ZNF44: variants seen among roughly 807,000 people sequenced by gnomAD.
The protein encoded by ZNF44 is gonadotropin inducible transcription repressor-2.
In ZNF44, 9 loss-of-function variants were observed where a neutral mutation model predicts 11.7. That is an observed-to-expected ratio of 0.77 (90% CI 0.46 to 1.35). The LOEUF is 1.35. Among genes scored for constraint, ZNF44 ranks in the 40% most tolerant of loss-of-function variants. The pLI, the probability that ZNF44 is intolerant of heterozygous loss-of-function variation, is 0.00. For synonymous variants in ZNF44, 224 were observed against 242.7 expected, an observed-to-expected ratio of 0.92 and a Z score of 0.72; for missense variants, 696 against 743.1, an observed-to-expected ratio of 0.94 and a Z score of 0.74.
At chr19:12,287,427 G>A (rs1967811392) in intron 1 of ZNF44, among the ~76,000 whole-genome samples, 1 of 151,974 alleles carries the variant, frequency 6.6e-6, no homozygotes, top group Non-Finnish European at 1.5e-5. Flanking sequence ...CATTAGCCAG[G>A]ATGGTCTTGA....
exon 8 of ZNF44, chr19:12,248,591 G>C: frequency 7.7e-7 from 1 of 1,294,602 alleles, no homozygotes; most frequent in Non-Finnish European, 1.0e-6. Context: ...GAGTTTTCTT[G>C]TTCAGACTGA....
intron 1 of ZNF44, among the ~76,000 whole-genome samples, chr19:12,288,774 G>GTATATATATATACATATA (rs1967870521): frequency 1.3e-5 from 1 of 76,816 alleles, no homozygotes; most frequent in African/African-American, 9.0e-5. Flanking sequence ...AAAAAAAAAT[G>GTATATATATATACATATA]TATATATATA....
downstream of ZNF44, among the ~76,000 whole-genome samples, chr19:12,268,183 A>ACACACACAC (rs1568438456): frequency 8.2e-5 from 5 of 60,622 alleles, no homozygotes; most frequent in Non-Finnish European, 1.7e-4. Context: ...CACACACACA[A>ACACACACAC]GCTCCTTCCC....
intron 3 of ZNF44, among the ~76,000 whole-genome samples, chr19:12,227,758 C>T (rs921395121): frequency 2.0e-5 from 3 of 152,186 alleles, no homozygotes; most frequent in Non-Finnish European, 4.4e-5. Context: ...TCTCCCATAA[C>T]TTTGAAACAC....
chr19:12,246,995 C>G (rs1599495023), downstream of ZNF44, among the ~76,000 whole-genome samples: 2 of 151,606 alleles, frequency 1.3e-5, no homozygotes, highest in African/African-American at 4.8e-5. Context: ...ATAATGTTGC[C>G]TGTCTCTACA....
intron 1 of ZNF44, among the ~76,000 whole-genome samples, chr19:12,282,075 A>C (rs954195072): frequency 6.6e-6 from 1 of 152,206 alleles, no homozygotes; most frequent in Non-Finnish European, 1.5e-5. Flanking sequence ...GACATTACAG[A>C]CATATCTCCA....
chr19:12,248,951 C>T (rs1916872728), intron 7 of ZNF44, among the ~76,000 whole-genome samples: 1 of 150,140 alleles, frequency 6.7e-6, no homozygotes, highest in Non-Finnish European at 1.5e-5. Context: ...TACACTCTGT[C>T]GCCCAGGCTG....
At chr19:12,231,843 T>C (rs888037131) in intron 2 of ZNF44, among the ~76,000 whole-genome samples, 1 of 152,114 alleles carries the variant, frequency 6.6e-6, no homozygotes, top group African/African-American at 2.4e-5. Context: ...TCTGAAGGGG[T>C]GGGTTGCCCC....
intron 1 of ZNF44, among the ~76,000 whole-genome samples, chr19:12,279,551 AAAC>A (rs1263862663): frequency 7.7e-6 from 1 of 129,162 alleles, no homozygotes; most frequent in African/African-American, 3.6e-5. Context: ...TCATTAATGG[AAAC>A]AATTTGAGAT....
downstream of ZNF44, among the ~76,000 whole-genome samples, chr19:12,271,491 C>T (rs893344797): frequency 1.3e-4 from 20 of 152,138 alleles, no homozygotes; most frequent in African/African-American, 4.8e-4. Context: ...TTCAAGTTAG[C>T]CTGAGGTCTC....
At chr19:12,256,383 G>A (rs1256980682) in intron 5 of ZNF44, among the ~76,000 whole-genome samples, 2 of 152,068 alleles carry the variant, frequency 1.3e-5, no homozygotes, top group Non-Finnish European at 1.5e-5. Context: ...CAGCTACTCA[G>A]GAGGCTGAGG....
intron 1 of ZNF44, among the ~76,000 whole-genome samples, chr19:12,286,209 A>T (rs369219609): frequency 1.3e-5 from 2 of 152,152 alleles, no homozygotes; most frequent in African/African-American, 2.4e-5. Flanking sequence ...TCAAATCAAT[A>T]TTCTCTAGTG....
intron 7 of ZNF44, among the ~76,000 whole-genome samples, chr19:12,249,280 C>T (rs377441993): frequency 1.3e-3 from 202 of 151,218 alleles, no homozygotes; most frequent in African/African-American, 4.4e-3. Flanking sequence ...CCGAGGCGGG[C>T]GGATCACAAG....
At chr19:12,251,920 A>G (rs2138205) in intron 5 of ZNF44, among the ~76,000 whole-genome samples, 58,711 of 151,746 alleles carry the variant, frequency 0.39, 14,362 homozygotes, top group African/African-American at 0.71. Flanking sequence ...GTGTGGTAGC[A>G]CATGCCTGTA....
At chr19:12,266,660 AT>A (rs916628390) in intron 5 of ZNF44, among the ~76,000 whole-genome samples, 1 of 152,106 alleles carries the variant, frequency 6.6e-6, no homozygotes. Flanking sequence ...TCCCTGATCC[AT>A]TTTCCCCTAT....
intron 5 of ZNF44, among the ~76,000 whole-genome samples, chr19:12,263,906 T>C (rs566527128): frequency 1.9e-4 from 25 of 131,406 alleles, no homozygotes; most frequent in Admixed American, 3.3e-4. Context: ...GCCTGGGCGA[T>C]AGAGCGAGAC....
At chr19:12,274,266 C>CTTTTTTTTTTTTTTTTTTTTTTTT (rs869093549) in intron 3 of ZNF44, among the ~76,000 whole-genome samples, 2 of 90,204 alleles carry the variant, frequency 2.2e-5, no homozygotes, top group Non-Finnish European at 4.2e-5. Flanking sequence ...ATTCTTAATT[C>CTTTTTTTTTTTTTTTTTTTTTTTT]TTTTTTTTTT....
intron 5 of ZNF44, among the ~76,000 whole-genome samples, chr19:12,262,982 CTG>C (rs1302571318): frequency 6.6e-6 from 1 of 152,146 alleles, no homozygotes; most frequent in Non-Finnish European, 1.5e-5. Context: ...CCCTAACAAG[CTG>C]GGGGTTCAGA....
In ZNF44 at chr19:12,273,182, GTTCC is replaced by G. The variant is rs752383012; in HGVS notation, c.1069_1072del (p.Gly357LeufsTer4). On this transcript the variant is annotated frameshift_variant, in exon 4 of 4. Coordinates refer to ENST00000355684, the MANE Select transcript of ZNF44 (RefSeq NM_016264.4). LOFTEE classifies it low-confidence loss of function (END_TRUNC). Reference sequence around the variant, plus strand: ...TTCATAGGGTTTCTCTAGAGTGTGAGTTCCTTCATGAATTCGTGCTGAACCAGGA... The same window carrying G: ...TTCATAGGGTTTCTCTAGAGTGTGAGTTCATGAATTCGTGCTGAACCAGGA... 1 of 1,613,876 alleles carries G rather than the reference GTTCC, an allele frequency of 6.2e-7. No homozygotes were observed. The highest frequency in any genetic ancestry group is 1.7e-4 in the Middle Eastern group (1 of 6,060).
Sources: allele counts gnomAD v4.1 joint callset (sites outside exome capture counted in the v4.1 genomes callset), GRCh38; gene constraint gnomAD v4.1.1; transcripts MANE v1.5; gene names NCBI Gene and HGNC (gene_info 2026-07-23, HGNC 2026-07-21).